Variants in CGNL1 observed in about 807,000 individuals in gnomAD.
CGNL1 encodes cingulin-like protein 1.
A neutral mutation model predicts 141.2 loss-of-function variants in CGNL1; 132 were observed. The observed-to-expected ratio is 0.93, with a 90% CI of 0.81 to 1.08. The LOEUF (loss-of-function observed/expected upper bound fraction) is 1.08, where lower values mean the gene tolerates loss of function less well. CGNL1 is among the 50% of genes least tolerant of loss of function. CGNL1 has a pLI of 0.00. For missense variants in CGNL1, 1,870 were observed against 1,588.6 expected (o/e 1.18, Z -3.01); for synonymous variants, 690 against 622.1 (o/e 1.11, Z -1.63).
At chr15:57,402,517 T>C (rs1426098272) in intron 1 of CGNL1, 7 of 152,314 alleles carry the variant, frequency 4.6e-5, no homozygotes, top group African/African-American at 2.4e-5. Flanking sequence ...GGATCCCTAA[T>C]GACTGCAGAG....
At chr15:57,397,484 T>G (rs2062615104) in intron 1 of CGNL1, among the ~76,000 whole-genome samples, 1 of 152,186 alleles carries the variant, frequency 6.6e-6, no homozygotes, top group African/African-American at 2.4e-5. Flanking sequence ...GTCTTTAAGA[T>G]GTCTTATTTA....
At chr15:57,448,108 A>G (rs1261961908) in intron 4 of CGNL1, among the ~76,000 whole-genome samples, 1 of 151,754 alleles carries the variant, frequency 6.6e-6, no homozygotes, top group African/African-American at 2.4e-5. Context: ...GGAGTTTGAG[A>G]CCAGCCTGAG....
At chr15:57,519,083 T>G (rs1199561170) in intron 10 of CGNL1, among the ~76,000 whole-genome samples, 2 of 152,200 alleles carry the variant, frequency 1.3e-5, no homozygotes, top group Admixed American at 6.5e-5. Context: ...CTATTCAAAA[T>G]CAGTAGGTTC....
chr15:57,384,871 T>A (rs1490805677), intron 1 of CGNL1, among the ~76,000 whole-genome samples: 3 of 152,202 alleles, frequency 2.0e-5, no homozygotes, highest in African/African-American at 7.2e-5. Context: ...CACAGTGATA[T>A]CTAAACAGAA....
At chr15:57,404,813 A>T (rs1460513002) in intron 1 of CGNL1, among the ~76,000 whole-genome samples, 1 of 152,146 alleles carries the variant, frequency 6.6e-6, no homozygotes, top group Non-Finnish European at 1.5e-5. Context: ...TCATGTCAAG[A>T]GGGTACTTGG....
intron 8 of CGNL1, among the ~76,000 whole-genome samples, chr15:57,505,395 G>A (rs1352370553): frequency 1.3e-5 from 2 of 152,136 alleles, no homozygotes; most frequent in African/African-American, 4.8e-5. Flanking sequence ...CAGTGGTCAG[G>A]TGACTATACC....
At chr15:57,499,789 T>C (rs1486116608) in intron 8 of CGNL1, among the ~76,000 whole-genome samples, 3 of 152,168 alleles carry the variant, frequency 2.0e-5, no homozygotes, top group African/African-American at 4.8e-5. Context: ...AGGTCTGTAA[T>C]TGGGAATGGG....
At chr15:57,418,104 G>C (rs1425065911) in intron 1 of CGNL1, among the ~76,000 whole-genome samples, 1 of 152,180 alleles carries the variant, frequency 6.6e-6, no homozygotes, top group Non-Finnish European at 1.5e-5. Context: ...ATTTACAAGA[G>C]AGGAGTAGCT....
intron 1 of CGNL1, among the ~76,000 whole-genome samples, chr15:57,433,478 G>A (rs1158345394): frequency 6.6e-6 from 1 of 152,226 alleles, no homozygotes. Context: ...TGATCCCCGG[G>A]CTGGCTGAGG....
At position 57,516,886 on chromosome 15, in the gene CGNL1, G is replaced by A. The variant is rs1595787374; in HGVS notation, c.2510G>A (p.Arg837Lys). Residue 837 changes from arginine to lysine, a missense_variant, in exon 9 of 19, where the codon AGA (arginine) becomes AAA (lysine). By Grantham distance (26) the Arg-to-Lys change is conservative. Coordinates refer to ENST00000281282, the MANE Select transcript of CGNL1 (RefSeq NM_032866.5). The part of the protein sequence containing the change: ...LQEENEKLQG[R>K]SEELERRVAQ... ...GAGGAGAATGAGAAGCTGCAGGGAA[G>A]AAGCGAAGAGCTGGAGCGGAGAGTT... is the stretch of plus-strand genomic sequence containing the variant. 2 of 1,614,194 alleles carry A rather than the reference G, an allele frequency of 1.2e-6. No homozygotes were observed. The highest frequency in any genetic ancestry group is 1.7e-5 in the Admixed American group (1 of 60,036).
intron 1 of CGNL1, among the ~76,000 whole-genome samples, chr15:57,397,423 C>G (rs1394125370): frequency 1.3e-5 from 2 of 152,188 alleles, no homozygotes; most frequent in African/African-American, 2.4e-5. Context: ...AACTAGGAAG[C>G]TCCTGATCCT....
chr15:57,395,051 C>T (rs1413696165), intron 1 of CGNL1, among the ~76,000 whole-genome samples: 1 of 152,176 alleles, frequency 6.6e-6, no homozygotes, highest in South Asian at 2.1e-4. Context: ...GCGGAGGTTG[C>T]GGTGAGCTGA....
chr15:57,402,983 G>A (rs780198024), intron 1 of CGNL1, among the ~76,000 whole-genome samples: 25 of 152,144 alleles, frequency 1.6e-4, no homozygotes, highest in South Asian at 4.1e-4. Context: ...AAAATATAAG[G>A]GGTGGGCACT....
chr15:57,487,320 T>G (rs2063798244), intron 8 of CGNL1, among the ~76,000 whole-genome samples: 1 of 152,178 alleles, frequency 6.6e-6, no homozygotes, highest in Non-Finnish European at 1.5e-5. Flanking sequence ...TTTTTAAAGC[T>G]TATTTTGACT....
Position 57,453,107 on chromosome 15 carries a change from C to CT in CGNL1, c.2055-568dup, listed in dbSNP as rs199533376. Reference sequence around the variant, plus strand: ...TTGGTTCAGGACAGAGTTTTGTAAACTTTTTTTTCATCAGGTGGTGATTAT... The same window carrying CT: ...TTGGTTCAGGACAGAGTTTTGTAAACTTTTTTTTTCATCAGGTGGTGATTAT... On this transcript the variant is annotated intron_variant, in intron 6 of 18. Coordinates refer to ENST00000281282, the MANE Select transcript of CGNL1 (RefSeq NM_032866.5). Among the ~76,000 whole-genome samples, 497 of 152,138 alleles carry CT rather than the reference C, an allele frequency of 3.3e-3. 4 individuals carry two copies. Among genetic ancestry groups the CT allele is most frequent in the African/African-American group, 0.011 (473 of 41,476 alleles).
intron 8 of CGNL1, among the ~76,000 whole-genome samples, chr15:57,485,587 A>G (rs564713456): frequency 6.6e-6 from 1 of 152,350 alleles, no homozygotes; most frequent in South Asian, 2.1e-4. Context: ...GTGAAGTGTC[A>G]TAGTATTTGC....
At chr15:57,464,571 T>G (rs2063486130) in intron 8 of CGNL1, among the ~76,000 whole-genome samples, 1 of 152,140 alleles carries the variant, frequency 6.6e-6, no homozygotes, top group East Asian at 1.9e-4. Context: ...ATGTAGTTCC[T>G]GTTGAATTTT....
At chr15:57,514,173 A>G (rs1264208124) in intron 8 of CGNL1, among the ~76,000 whole-genome samples, 1 of 151,836 alleles carries the variant, frequency 6.6e-6, no homozygotes, top group Admixed American at 6.6e-5. Flanking sequence ...ATTTTTTGAG[A>G]TGGAGTCTTG....
chr15:57,455,151 T>C (rs1162237854), intron 7 of CGNL1, among the ~76,000 whole-genome samples: 1 of 152,240 alleles, frequency 6.6e-6, no homozygotes, highest in African/African-American at 2.4e-5. Flanking sequence ...CCACAATATA[T>C]TTAACCATTC....
Sources: allele counts gnomAD v4.1 joint callset (sites outside exome capture counted in the v4.1 genomes callset), GRCh38; gene constraint gnomAD v4.1.1; transcripts MANE v1.5; gene names NCBI Gene and HGNC (gene_info 2026-07-23, HGNC 2026-07-21).